The following CEP63 variants were observed in gnomAD, a reference collection of about 807,000 sequenced individuals.
CEP63 encodes centrosomal protein of 63 kDa.
Under a neutral mutation model 89.1 loss-of-function variants are expected in CEP63, and 84 were observed. That is an observed-to-expected ratio of 0.94 (90% CI 0.79 to 1.13). The LOEUF (loss-of-function observed/expected upper bound fraction) is 1.13, where lower values mean the gene tolerates loss of function less well. CEP63 is among the 50% of genes most tolerant of loss of function. CEP63 has a pLI of 0.00. For missense variants in CEP63, 838 were observed against 813.3 expected, an observed-to-expected ratio of 1.03 and a Z score of -0.37; for synonymous variants, 267 against 272.5, an observed-to-expected ratio of 0.98 and a Z score of 0.20.
At chr3:134,718,847 G>C in the CEP63 span, among the ~76,000 whole-genome samples, 1 of 152,192 alleles carries the variant, frequency 6.6e-6, no homozygotes, top group African/African-American at 2.4e-5. Flanking sequence ...CGCTGGGATG[G>C]ACACTCTAGT....
intron 3 of CEP63, among the ~76,000 whole-genome samples, chr3:134,514,290 G>T (rs1335935727): frequency 6.6e-6 from 1 of 152,052 alleles, no homozygotes; most frequent in Non-Finnish European, 1.5e-5. Flanking sequence ...TAAAGCACAG[G>T]CAAAGTGATA....
chr3:134,682,113 A>G, the CEP63 span, among the ~76,000 whole-genome samples: 14 of 152,238 alleles, frequency 9.2e-5, no homozygotes, highest in Admixed American at 7.2e-4. Context: ...GAGTTCTTTG[A>G]GCAATGCCAT....
intron 6 of CEP63, among the ~76,000 whole-genome samples, chr3:134,544,736 GT>G (rs1384661454): frequency 1.3e-5 from 2 of 151,536 alleles, no homozygotes. Flanking sequence ...TATTTCCTAT[GT>G]TTTAAATAGG....
the CEP63 span, among the ~76,000 whole-genome samples, chr3:134,700,441 A>G: frequency 2.6e-5 from 4 of 152,192 alleles, no homozygotes; most frequent in African/African-American, 9.6e-5. Flanking sequence ...TTATAATGAA[A>G]AACAGCAGGT....
chr3:134,658,193 G>GC, the CEP63 span, among the ~76,000 whole-genome samples: 2 of 152,190 alleles, frequency 1.3e-5, no homozygotes, highest in African/African-American at 4.8e-5. Flanking sequence ...ACTGCGCCCG[G>GC]CTGATACATG....
chr3:134,625,842 C>T, the CEP63 span, among the ~76,000 whole-genome samples: 4 of 152,242 alleles, frequency 2.6e-5, no homozygotes, highest in African/African-American at 9.6e-5. Flanking sequence ...GCCTGCTGAC[C>T]AGAGACCAAA....
At chr3:134,677,159 C>T in the CEP63 span, among the ~76,000 whole-genome samples, 3 of 82,694 alleles carry the variant, frequency 3.6e-5, no homozygotes, top group East Asian at 6.6e-4. Context: ...ATTGCTTGAA[C>T]CCGGCAGGAG....
At chr3:134,567,152 C>CAAA (rs57656773), downstream of CEP63, among the ~76,000 whole-genome samples, 24 of 141,444 alleles carry the variant, frequency 1.7e-4, no homozygotes, top group African/African-American at 4.4e-4. Flanking sequence ...AGGAAGAAAG[C>CAAA]AAAAAAAAAA....
the CEP63 span, among the ~76,000 whole-genome samples, chr3:134,744,075 C>G: frequency 6.6e-6 from 1 of 152,190 alleles, no homozygotes; most frequent in East Asian, 1.9e-4. Flanking sequence ...CAGCTACATG[C>G]ACTTTTATTG....
chr3:134,540,400 C>T (rs985798084), intron 6 of CEP63, among the ~76,000 whole-genome samples: 18 of 152,024 alleles, frequency 1.2e-4, no homozygotes, highest in African/African-American at 4.3e-4. Context: ...CTTATATAAA[C>T]ATTTAGGAGT....
chr3:134,685,227 C>T, the CEP63 span, among the ~76,000 whole-genome samples: 1 of 151,934 alleles, frequency 6.6e-6, no homozygotes, highest in Non-Finnish European at 1.5e-5. Context: ...TGTATTTATA[C>T]CAATTTAAAC....
At chr3:134,608,426 T>G in the CEP63 span, 1 of 1,501,400 alleles carries the variant, frequency 6.7e-7, no homozygotes, top group East Asian at 2.6e-5. Context: ...GAGTGAGCTT[T>G]TGTCCCTGCT....
the CEP63 span, chr3:134,610,214 T>G: frequency 6.2e-7 from 1 of 1,612,196 alleles, no homozygotes; most frequent in African/African-American, 1.3e-5. Context: ...AATTTGGAGG[T>G]GATGGTGTCC....
At chr3:134,738,536 T>G in the CEP63 span, among the ~76,000 whole-genome samples, 1 of 152,078 alleles carries the variant, frequency 6.6e-6, no homozygotes, top group Admixed American at 6.6e-5. Context: ...CAAAATATCA[T>G]ATGTTGTCAC....
At chr3:134,608,081 C>A in the CEP63 span, 20 of 1,109,324 alleles carry the variant, frequency 1.8e-5, no homozygotes, top group Non-Finnish European at 2.0e-5. Flanking sequence ...GGACTGCCCC[C>A]ACCTGTCCTG....
chr3:134,534,613 T>C (rs1302022362), intron 5 of CEP63, among the ~76,000 whole-genome samples: 1 of 152,218 alleles, frequency 6.6e-6, no homozygotes, highest in Non-Finnish European at 1.5e-5. Context: ...TGCTTCCTCA[T>C]ATTTGCTTGG....
In CEP63 at chr3:134,564,635, C is replaced by G; in HGVS notation, c.*3100C>G. The G allele has an allele frequency of 1.0e-6, 1 of 985,370 alleles. No individual in the cohort carries two copies. Among genetic ancestry groups the G allele is most frequent in the South Asian group, 4.7e-5 (1 of 21,286 alleles). 61.0% of individuals were successfully genotyped at this position (985,370 alleles called of 1,614,324 possible). A position where few individuals can be genotyped will look rare whatever the true frequency, so the allele number is the denominator to read the frequency against. ...TTTATCAGTAAAACTGAAATAATATCTAATGGGGTCGAGAAGATTTACTGA... is the reference window on the plus strand; with the variant it reads ...TTTATCAGTAAAACTGAAATAATATGTAATGGGGTCGAGAAGATTTACTGA... On this transcript the variant is annotated 3_prime_UTR_variant, in exon 15 of 15. Transcript: ENST00000675561.
chr3:134,527,358 G>A (rs1298564411), intron 3 of CEP63, among the ~76,000 whole-genome samples: 1 of 152,138 alleles, frequency 6.6e-6, no homozygotes, highest in Non-Finnish European at 1.5e-5. Context: ...ATGCAGGGGA[G>A]GATCTGTTAT....
chr3:134,550,100 G>A lies in CEP63; in HGVS notation c.1220G>A (p.Ser407Asn). 1 of 1,613,996 alleles carries A rather than the reference G, an allele frequency of 6.2e-7. No homozygotes were observed. Among genetic ancestry groups the A allele is most frequent in the African/African-American group, 1.3e-5 (1 of 75,036 alleles). ...EQILQGEQSY[S>N]SALEGMKMEI... ...ATTTTACAGGGTGAACAAAGTTACA[G>A]TTCTGCACTAGAAGGAATGAAGATG... Residue 407 changes from serine to asparagine, a missense_variant, in exon 11 of 15, where the codon AGT (serine) becomes AAT (asparagine). Transcript: ENST00000675561.
Sources: gnomAD v4.1 joint callset for allele counts (sites outside exome capture counted in the v4.1 genomes callset) on GRCh38, gnomAD v4.1.1 for gene constraint, MANE v1.5 for transcripts, NCBI Gene and HGNC (gene_info 2026-07-23, HGNC 2026-07-21) for gene names.